ATP6V0B: variants seen among roughly 807,000 people sequenced by gnomAD.
ATP6V0B encodes ATPase H+ transporting V0 subunit b, also known as V-type proton ATPase 21 kDa proteolipid subunit c''.
A neutral mutation model predicts 26.2 loss-of-function variants in ATP6V0B; 4 were observed. The observed-to-expected ratio is 0.15, with a 90% confidence interval of 0.08 to 0.35. The LOEUF (loss-of-function observed/expected upper bound fraction) is 0.35, where lower values mean the gene tolerates loss of function less well. Among genes scored for constraint, ATP6V0B ranks in the 10% least tolerant of loss-of-function variants. ATP6V0B has a pLI of 1.00. For missense variants in ATP6V0B, 175 were observed against 272.5 expected (o/e 0.64, Z 2.52); for synonymous variants, 110 against 105.8 (o/e 1.04, Z -0.24).
chr1:43,977,889 C>T (rs1015465601), intron 7 of ATP6V0B, 92 bp from the exon 8 acceptor site: 14 of 1,613,624 alleles, frequency 8.7e-6, no homozygotes, highest in Non-Finnish European at 1.2e-5. Context: ...GTCTGTCCAT[C>T]CAACCATGTG....
At chr1:43,975,335 C>A (rs996138590) in intron 1 of ATP6V0B, 29 of 597,776 alleles carry the variant, frequency 4.9e-5, no homozygotes, top group Non-Finnish European at 7.9e-5. Flanking sequence ...AGCACTCCCC[C>A]GTCCTGCCAC....
intron 1 of ATP6V0B, 112 bp downstream of exon 1, chr1:43,975,219 C>T (rs887336997): frequency 7.8e-7 from 1 of 1,278,342 alleles, no homozygotes; most frequent in Non-Finnish European, 1.0e-6. Flanking sequence ...GCTCTGCACC[C>T]GAGGCTCTGG....
intron 1 of ATP6V0B, chr1:43,975,372 T>A (rs1235818936): frequency 1.6e-5 from 9 of 567,866 alleles, no homozygotes; most frequent in African/African-American, 1.4e-4. Context: ...CGCTCCCACG[T>A]CTCACTGCTG....
chr1:43,975,928 C>T, intron 2 of ATP6V0B, 80 bp downstream of exon 2: 3 of 1,520,296 alleles, frequency 2.0e-6, no homozygotes, highest in Non-Finnish European at 2.7e-6. Context: ...TGAGTCCCTC[C>T]CCCACACCAC....
At chr1:43,975,317 G>A in intron 1 of ATP6V0B, 2 of 636,850 alleles carry the variant, frequency 3.1e-6, no homozygotes, top group Non-Finnish European at 5.4e-6. Context: ...GGTAGGGGCC[G>A]CGAGGGCAGC....
At chr1:43,975,949 G>A in intron 2 of ATP6V0B, 101 bp downstream of exon 2, 2 of 1,512,672 alleles carry the variant, frequency 1.3e-6, no homozygotes, top group East Asian at 2.3e-5. Flanking sequence ...TGCCTGCCTG[G>A]GACATGGACC....
chr1:43,976,044 C>T lies in ATP6V0B; in HGVS notation c.117-46C>T. ...TGAGGGGTTAAGATTTTGTGCTCCG[C>T]TTCCCTGCTAGAGCTGAACTGCTTT... On this transcript the variant is annotated intron_variant, in intron 2 of 7. Transcript: ENST00000472174. The surrounding 1 kb of genome is among the most constrained non-coding windows in gnomAD (Gnocchi z 4.6). The T allele has an allele frequency of 6.3e-7, 1 of 1,596,706 alleles. No individual in the cohort carries two copies. The highest frequency in any genetic ancestry group is 1.1e-5 in the South Asian group (1 of 90,690).
rs759003608 is a variant in ATP6V0B, at chr1:43,976,753, T to C, written c.349-20T>C. The C allele has an allele frequency of 3.1e-6, 5 of 1,614,126 alleles. No homozygotes were observed. The highest frequency in any genetic ancestry group is 4.2e-6 in the Non-Finnish European group (5 of 1,179,996). ...GGGGTGCATCAGGATGGTTTCTGAT[T>C]ACTTTTCTTCTTCCCTCAGCCTTTC... On this transcript the variant is annotated intron_variant, in intron 5 of 7. Coordinates refer to ENST00000472174, the MANE Select transcript of ATP6V0B (RefSeq NM_004047.5). This position sits in a 1 kb window ranked among gnomAD's most constrained non-coding sequence, Gnocchi z 4.6.
chr1:43,975,886 CT>C, intron 2 of ATP6V0B, 38 bp downstream of exon 2: 1 of 1,560,828 alleles, frequency 6.4e-7, no homozygotes. Flanking sequence ...CTTGAAGCTT[CT>C]TCCCTGCAGC....
Position 43,978,229 on chromosome 1 carries a change from C to T in ATP6V0B, c.*222C>T. 2 of 626,174 alleles carry T rather than the reference C, an allele frequency of 3.2e-6. No homozygotes were observed. Among genetic ancestry groups the T allele is most frequent in the South Asian group, 1.9e-5 (1 of 53,950 alleles). The allele number at this position is 626,174 out of a possible 1,614,324, so 38.8% of individuals were successfully genotyped here. On this transcript the variant is annotated 3_prime_UTR_variant, in exon 8 of 8. Coordinates refer to ENST00000472174, the MANE Select transcript of ATP6V0B (RefSeq NM_004047.5). The stretch of plus-strand genomic sequence containing the variant: ...ACTCTGTGCAGCTGCGCACCTGTGT[C>T]CCCCACCTCCACCCTCAACCCATCT...
intron 2 of ATP6V0B, 91 bp from the exon 3 acceptor site, chr1:43,975,999 T>C: frequency 9.2e-6 from 14 of 1,526,444 alleles, no homozygotes; most frequent in Non-Finnish European, 1.2e-5. Flanking sequence ...GTAGAACTGG[T>C]GGTGGGGTTG....
In ATP6V0B at chr1:43,976,315, A is replaced by G; in HGVS notation, c.214A>G (p.Thr72Ala). The stretch of plus-strand genomic sequence containing the variant: ...TCCTTCCACCAGGGGCATCTATATT[A>G]CCGGCTCCTCCATCATTGGTGGAGG... ...VVGAAWGIYI[T>A]GSSIIGGGVK... is the part of the protein sequence containing the mutation. The change falls in exon 4 of 8, where the codon ACC becomes GCC. Residue 72 changes from threonine (T) to alanine (A), a missense_variant. Around this residue, in one of 3 missense-constraint regions of ATP6V0B, gnomAD observed 75 missense variants for 94.7 expected, o/e 0.79. Transcript: ENST00000472174. The surrounding 1 kb of genome is among the most constrained non-coding windows in gnomAD (Gnocchi z 4.6). 1 of 1,613,814 alleles carries G rather than the reference A, an allele frequency of 6.2e-7. No individual in the cohort carries two copies. Among genetic ancestry groups the G allele is most frequent in the East Asian group, 2.2e-5 (1 of 44,866 alleles).
chr1:43,976,020 G>T lies in ATP6V0B; in HGVS notation c.117-70G>T. ...CTGGTGGTGGGGTTGAAGGGGGTTT[G>T]AGGGGTTAAGATTTTGTGCTCCGCT... On this transcript the variant is annotated intron_variant, in intron 2 of 7. Coordinates refer to ENST00000472174, the MANE Select transcript of ATP6V0B (RefSeq NM_004047.5). The surrounding 1 kb of genome is among the most constrained non-coding windows in gnomAD (Gnocchi z 4.6). The T allele has an allele frequency of 1.3e-6, 2 of 1,561,562 alleles. No homozygotes were observed. Among genetic ancestry groups the T allele is most frequent in the South Asian group, 2.2e-5 (2 of 89,894 alleles).
In ATP6V0B at chr1:43,975,805, T is replaced by G; in HGVS notation, c.73T>G (p.Cys25Gly). 1.3e-6 allele frequency: 2 copies of G among 1,599,844 alleles called. No homozygotes were observed. The highest frequency in any genetic ancestry group is 1.7e-6 in the Non-Finnish European group (2 of 1,172,198). ...TTTCTCCCTCACTGCTGCAGGAGTC[T>G]GCTACACCATTTTTGATTTGGGCTT... ...FWACALAVGV[C>G]YTIFDLGFRF... The change falls in exon 2 of 8, where the codon TGC becomes GGC. Residue 25 changes from cysteine to glycine, a missense_variant. Transcript: ENST00000472174.
intron 7 of ATP6V0B, chr1:43,977,436 C>G: frequency 6.8e-7 from 1 of 1,461,028 alleles, no homozygotes; most frequent in Non-Finnish European, 9.0e-7. Context: ...TTTTTCCCCC[C>G]TTTCTAATGC....
At position 43,976,009 on chromosome 1, in the gene ATP6V0B, GAAGGGGGTTTGAGGGGTT is replaced by G; in HGVS notation, c.117-77_117-60del. 1 of 1,547,266 alleles carries G rather than the reference GAAGGGGGTTTGAGGGGTT, an allele frequency of 6.5e-7. No homozygotes were observed. ...TGCCTGTAGAACTGGTGGTGGGGTTGAAGGGGGTTTGAGGGGTTAAGATTTTGTGCTCCGCTTCCCTGC... is the reference window on the plus strand; with the variant it reads ...TGCCTGTAGAACTGGTGGTGGGGTTGAAGATTTTGTGCTCCGCTTCCCTGC... On this transcript the variant is annotated intron_variant, in intron 2 of 7. Coordinates refer to ENST00000472174, the MANE Select transcript of ATP6V0B (RefSeq NM_004047.5). This position sits in a 1 kb window ranked among gnomAD's most constrained non-coding sequence, Gnocchi z 4.6.
chr1:43,975,991 A>T, intron 2 of ATP6V0B, 99 bp from the exon 3 acceptor site: 1 of 1,526,770 alleles, frequency 6.5e-7, no homozygotes, highest in Non-Finnish European at 9.1e-7. Flanking sequence ...TGTTGCCTGT[A>T]GAACTGGTGG....
chr1:43,977,010 C>T lies in ATP6V0B; in HGVS notation c.401-16C>T. ...TTCCTGGCTTAGCCTCACTGCACCC[C>T]TCTCTATCCTCCCAGGCTACTCCAT... On this transcript the variant is annotated splice_polypyrimidine_tract_variant and intron_variant, in intron 6 of 7. Coordinates refer to ENST00000472174, the MANE Select transcript of ATP6V0B (RefSeq NM_004047.5). 6.2e-7 allele frequency: 1 copy of T among 1,601,504 alleles called. No homozygotes were observed. The highest frequency in any genetic ancestry group is 8.5e-7 in the Non-Finnish European group (1 of 1,171,630).
chr1:43,975,621 A>C, intron 1 of ATP6V0B, 179 bp from the exon 2 acceptor site: 1 of 707,300 alleles, frequency 1.4e-6, no homozygotes, highest in African/African-American at 1.8e-5. Flanking sequence ...TAGCGAGGGA[A>C]TGGCAGAAAA....
Sources: allele counts gnomAD v4.1 joint callset, GRCh38; gene constraint gnomAD v4.1.1; regional missense constraint gnomAD v4.1.1; non-coding constraint Gnocchi (gnomAD v3.1); transcripts MANE v1.5; gene names NCBI Gene and HGNC (gene_info 2026-07-23, HGNC 2026-07-21).